GRM5: variants seen among roughly 807,000 people sequenced by gnomAD.
GRM5 encodes the protein glutamate metabotropic receptor 5, also known as metabotropic glutamate receptor 5.
Under a neutral mutation model 83.1 loss-of-function variants are expected in GRM5, and 19 were observed. The observed-to-expected ratio is 0.23, with a 90% CI of 0.16 to 0.34. GRM5 has a LOEUF of 0.34. Among genes scored for constraint, GRM5 ranks in the 10% least tolerant of loss-of-function variants. GRM5 has a pLI of 1.00. For missense variants in GRM5, 1,160 were observed against 1,588.3 expected, an observed-to-expected ratio of 0.73 and a Z score of 4.58; for synonymous variants, 675 against 633.6, an observed-to-expected ratio of 1.07 and a Z score of -0.98.
chr11:88,920,910 A>C (rs1011498145), intron 2 of GRM5, among the ~76,000 whole-genome samples: 2 of 152,176 alleles, frequency 1.3e-5, no homozygotes, highest in African/African-American at 4.8e-5. Flanking sequence ...GAAAAGTGCT[A>C]CATAAGTGTA....
At chr11:88,732,302 T>A (rs998559224) in intron 3 of GRM5, among the ~76,000 whole-genome samples, 1 of 152,108 alleles carries the variant, frequency 6.6e-6, no homozygotes, top group African/African-American at 2.4e-5. Context: ...TTCGAATGAA[T>A]GAACCAATGA....
chr11:88,943,269 A>C (rs149560463), intron 2 of GRM5, among the ~76,000 whole-genome samples: 8,645 of 152,120 alleles, frequency 0.057, 801 homozygotes, highest in African/African-American at 0.19. Flanking sequence ...TCATTTGTGA[A>C]GACTGTATTC....
At position 88,778,244 on chromosome 11, in the gene GRM5, C is replaced by T. The variant is rs550491523; in HGVS notation, c.911+71662G>A. On this transcript the variant is annotated intron_variant, in intron 3 of 9. Transcript: ENST00000305447. The stretch of plus-strand genomic sequence containing the variant: ...CTAGCAGGGAGCAAGGCTCCATGGG[C>T]GTGCGACCTGCTTAGCCAGGCATGG... 5.3e-5 allele frequency among the ~76,000 whole-genome samples: 8 copies of T among 152,352 alleles called. No homozygotes were observed. In the South Asian group the frequency reaches 6.2e-4, roughly 12 times the overall value.
At chr11:88,538,948 G>A (rs1374367291) in intron 8 of GRM5, among the ~76,000 whole-genome samples, 1 of 152,206 alleles carries the variant, frequency 6.6e-6, no homozygotes, top group East Asian at 1.9e-4. Flanking sequence ...TGGCCTAAGG[G>A]ATACAGGTAA....
intron 3 of GRM5, among the ~76,000 whole-genome samples, chr11:88,736,308 C>G (rs1351560035): frequency 6.6e-6 from 1 of 152,038 alleles, no homozygotes; most frequent in Admixed American, 6.6e-5. Flanking sequence ...TCTGCGGGAT[C>G]TTTGTGTTTT....
rs367906068 is a variant in GRM5 at position 88,723,997 on chromosome 11, A to G, written c.912-70594T>C. Among the ~76,000 whole-genome samples the G allele has an allele frequency of 7.9e-5, 12 of 152,308 alleles. No homozygotes were observed. In the East Asian group the frequency reaches 9.7e-4, roughly 12 times the overall value. The stretch of plus-strand genomic sequence containing the variant: ...ACCTAAATAGTGAACATTATACTCA[A>G]TAGGTACTGAGAATGCCCTTTTAAA... On this transcript the variant is annotated intron_variant, in intron 3 of 9. Transcript: ENST00000305447.
At chr11:88,813,402 T>C (rs1053752105) in intron 3 of GRM5, among the ~76,000 whole-genome samples, 28 of 152,172 alleles carry the variant, frequency 1.8e-4, no homozygotes, top group African/African-American at 6.5e-4. Flanking sequence ...CAGTATTCCT[T>C]GAGTACCACT....
At chr11:88,762,822 A>G (rs757756641) in intron 3 of GRM5, among the ~76,000 whole-genome samples, 1 of 152,024 alleles carries the variant, frequency 6.6e-6, no homozygotes, top group Non-Finnish European at 1.5e-5. Context: ...CATGTGCACC[A>G]TGGAGTACTA....
intron 4 of GRM5, among the ~76,000 whole-genome samples, chr11:88,606,076 T>C (rs1938135087): frequency 1.3e-5 from 2 of 152,122 alleles, no homozygotes; most frequent in East Asian, 3.9e-4. Context: ...GAAAGAGTGG[T>C]CCAAGCATTT....
chr11:89,007,882 T>C (rs746057574), intron 2 of GRM5, among the ~76,000 whole-genome samples: 2 of 152,254 alleles, frequency 1.3e-5, no homozygotes, highest in Admixed American at 6.5e-5. Context: ...GTGTCATTAA[T>C]AATTTCACAT....
intron 5 of GRM5, among the ~76,000 whole-genome samples, chr11:88,600,992 A>G (rs1937972584): frequency 6.6e-6 from 1 of 152,212 alleles, no homozygotes. Context: ...AGTTAGTTAG[A>G]CCAAAAATGT....
At chr11:88,959,887 A>G (rs2134982754) in intron 2 of GRM5, among the ~76,000 whole-genome samples, 1 of 152,350 alleles carries the variant, frequency 6.6e-6, no homozygotes, top group African/African-American at 2.4e-5. Context: ...AGAAGAAAGT[A>G]TATATACAGC....
intron 7 of GRM5, among the ~76,000 whole-genome samples, chr11:88,576,081 T>C (rs1186709934): frequency 6.6e-6 from 1 of 152,116 alleles, no homozygotes; most frequent in East Asian, 1.9e-4. Context: ...TGACTTCCGG[T>C]CATACTGCAC....
intron 3 of GRM5, among the ~76,000 whole-genome samples, chr11:88,792,412 A>C (rs910432728): frequency 1.7e-4 from 26 of 152,122 alleles, no homozygotes; most frequent in African/African-American, 6.0e-4. Context: ...ACAAAAAGCT[A>C]AACATATGTG....
At chr11:88,696,848 T>C (rs1940916410) in intron 3 of GRM5, among the ~76,000 whole-genome samples, 1 of 152,184 alleles carries the variant, frequency 6.6e-6, no homozygotes, top group Non-Finnish European at 1.5e-5. Flanking sequence ...AAGAAATCTT[T>C]GATAACTTAT....
At chr11:88,581,769 GA>G (rs1943216392) in intron 7 of GRM5, among the ~76,000 whole-genome samples, 2 of 150,322 alleles carry the variant, frequency 1.3e-5, no homozygotes, top group South Asian at 4.5e-4. Flanking sequence ...AGGCTTTGAT[GA>G]AAAAGCGACC....
intron 3 of GRM5, among the ~76,000 whole-genome samples, chr11:88,694,569 C>T (rs1276737540): frequency 7.1e-5 from 10 of 141,758 alleles, no homozygotes; most frequent in Non-Finnish European, 1.4e-4. Context: ...TTTTTTTTAA[C>T]GAGAGCATGC....
At chr11:88,731,456 C>T (rs1016395355) in intron 3 of GRM5, among the ~76,000 whole-genome samples, 1 of 152,096 alleles carries the variant, frequency 6.6e-6, no homozygotes, top group African/African-American at 2.4e-5. Context: ...CCAATTATAT[C>T]TCTATGCCGT....
intron 4 of GRM5, among the ~76,000 whole-genome samples, chr11:88,649,275 TTA>T (rs201549707): frequency 0.38 from 23,179 of 60,470 alleles, 3,277 homozygotes; most frequent in East Asian, 0.45. Flanking sequence ...ATATTATATA[TTA>T]TATATATGTA....
Sources: allele counts gnomAD v4.1 joint callset (sites outside exome capture counted in the v4.1 genomes callset), GRCh38; gene constraint gnomAD v4.1.1; transcripts MANE v1.5; gene names NCBI Gene and HGNC (gene_info 2026-07-23, HGNC 2026-07-21).